The following HYCC1 variants were observed in gnomAD, a reference collection of about 807,000 sequenced individuals.
HYCC1 encodes hyccin.
chr7:22,978,799 C>G, the HYCC1 span, among the ~76,000 whole-genome samples: 1 of 152,118 alleles, frequency 6.6e-6, no homozygotes, highest in Non-Finnish European at 1.5e-5. Flanking sequence ...CCTATTGTAA[C>G]CATGATTAAT....
chr7:22,961,431 T>C, the HYCC1 span: 2 of 646,798 alleles, frequency 3.1e-6, no homozygotes, highest in South Asian at 3.9e-5. Flanking sequence ...ATTAGCACAT[T>C]GCTTAACATT....
chr7:22,918,481 A>C, the HYCC1 span, among the ~76,000 whole-genome samples: 8 of 152,090 alleles, frequency 5.3e-5, no homozygotes, highest in African/African-American at 1.4e-4. Flanking sequence ...TACCACCCCC[A>C]AAAATTTTTG....
chr7:23,005,924 C>T, the HYCC1 span, among the ~76,000 whole-genome samples: 1 of 152,212 alleles, frequency 6.6e-6, no homozygotes, highest in African/African-American at 2.4e-5. Context: ...TCAGGACTCA[C>T]TTGAAGTTTC....
chr7:22,970,145 G>C, the HYCC1 span, among the ~76,000 whole-genome samples: 1 of 152,218 alleles, frequency 6.6e-6, no homozygotes, highest in African/African-American at 2.4e-5. Context: ...TAAAATTCCA[G>C]GTTCTCTCAT....
At chr7:22,947,197 G>C in the HYCC1 span, 2 of 1,549,912 alleles carry the variant, frequency 1.3e-6, no homozygotes, top group Non-Finnish European at 1.7e-6. Flanking sequence ...CTAATCTCAG[G>C]AATGACAAGG....
chr7:22,930,488 C>T, the HYCC1 span, among the ~76,000 whole-genome samples: 1 of 149,924 alleles, frequency 6.7e-6, no homozygotes, highest in Non-Finnish European at 1.5e-5. Context: ...AAACTTTGCA[C>T]AAAGAAAATA....
chr7:22,954,399 T>G, the HYCC1 span, among the ~76,000 whole-genome samples: 1 of 151,200 alleles, frequency 6.6e-6, no homozygotes, highest in African/African-American at 2.4e-5. Context: ...ATTGCAATCT[T>G]TTATTCTTTT....
the HYCC1 span, among the ~76,000 whole-genome samples, chr7:22,927,711 A>G: frequency 1.3e-5 from 2 of 152,242 alleles, no homozygotes; most frequent in African/African-American, 4.8e-5. Flanking sequence ...CCAACTAAAA[A>G]AAGTCCAGGA....
chr7:22,944,005 C>T, the HYCC1 span: 1 of 152,178 alleles, frequency 6.6e-6, no homozygotes, highest in East Asian at 1.9e-4. Flanking sequence ...GCAGTTAAAA[C>T]TATGTCCAGA....
chr7:22,920,809 G>A, the HYCC1 span, among the ~76,000 whole-genome samples: 42 of 152,312 alleles, frequency 2.8e-4, no homozygotes, highest in African/African-American at 9.4e-4. Context: ...AATGTTGGAG[G>A]TGGGGCCTGG....
chr7:22,993,921 G>A, the HYCC1 span, among the ~76,000 whole-genome samples: 1 of 152,114 alleles, frequency 6.6e-6, no homozygotes, highest in Non-Finnish European at 1.5e-5. Flanking sequence ...CAACAGAAAT[G>A]AGGACATATG....
the HYCC1 span, among the ~76,000 whole-genome samples, chr7:22,900,808 G>C: frequency 1.3e-4 from 20 of 152,114 alleles, no homozygotes; most frequent in Non-Finnish European, 2.5e-4. Context: ...ACATTAAAAA[G>C]CAAAAATTAT....
the HYCC1 span, among the ~76,000 whole-genome samples, chr7:23,009,988 C>T: frequency 6.6e-6 from 1 of 152,162 alleles, no homozygotes; most frequent in African/African-American, 2.4e-5. Flanking sequence ...ATTCCATCTG[C>T]TCCCCTCCAA....
chr7:22,919,443 C>T, the HYCC1 span, among the ~76,000 whole-genome samples: 18 of 152,110 alleles, frequency 1.2e-4, no homozygotes, highest in Non-Finnish European at 2.2e-4. Flanking sequence ...GCAGAAGAAT[C>T]ACTTGAACCC....
the HYCC1 span, chr7:22,978,425 C>T: frequency 6.2e-7 from 1 of 1,613,904 alleles, no homozygotes; most frequent in East Asian, 2.2e-5. Context: ...ATTCAAAGAG[C>T]TGGTGACAGA....
At chr7:22,945,164 A>C in the HYCC1 span, 5 of 228,218 alleles carry the variant, frequency 2.2e-5, no homozygotes, top group Non-Finnish European at 3.4e-5. Context: ...GTTCCCATAC[A>C]TGCAGACTCC....
the HYCC1 span, among the ~76,000 whole-genome samples, chr7:22,917,674 C>T: frequency 6.6e-6 from 1 of 152,334 alleles, no homozygotes; most frequent in East Asian, 1.9e-4. Flanking sequence ...CTCTATAATA[C>T]AGTCTGATAA....
chr7:22,897,619 TTTTGTTTG>T, the HYCC1 span, among the ~76,000 whole-genome samples: 53 of 152,034 alleles, frequency 3.5e-4, no homozygotes, highest in Non-Finnish European at 6.3e-4. Flanking sequence ...GTTAGCATTC[TTTTGTTTG>T]TTTGTTTGTT....
chr7:22,969,829 G>A, the HYCC1 span, among the ~76,000 whole-genome samples: 2 of 151,856 alleles, frequency 1.3e-5, no homozygotes, highest in South Asian at 2.1e-4. Flanking sequence ...TGGCCCCTTC[G>A]GTATAATTTA....
Sources: gnomAD v4.1 joint callset for allele counts (sites outside exome capture counted in the v4.1 genomes callset) on GRCh38, gnomAD v4.1.1 for gene constraint, MANE v1.5 for transcripts, NCBI Gene and HGNC (gene_info 2026-07-23, HGNC 2026-07-21) for gene names.